Variants in SLC16A10 observed in about 807,000 individuals in gnomAD.
SLC16A10 encodes monocarboxylate transporter 10.
Under a neutral mutation model 40.0 loss-of-function variants are expected in SLC16A10, and 27 were observed. The ratio of observed to expected loss-of-function variants is 0.67; its 90% CI spans 0.50 to 0.93. The LOEUF (loss-of-function observed/expected upper bound fraction) is 0.93. Ranked by LOEUF, SLC16A10 falls within the 40% of genes least tolerant of loss-of-function variation. The pLI is 0.00. For synonymous variants in SLC16A10, 213 were observed against 249.8 expected (o/e 0.85, Z 1.39); for missense variants, 529 against 658.2 (o/e 0.80, Z 2.15).
At position 111,196,951 on chromosome 6, in the gene SLC16A10, T is replaced by A. The variant is rs1213499083; in HGVS notation, c.943-9641T>A. On this transcript the variant is annotated intron_variant, in intron 3 of 5. Coordinates refer to ENST00000368851, the MANE Select transcript of SLC16A10 (RefSeq NM_018593.5). ...CGGATACCAAGAGACTAATGTTAAT[T>A]TCATTTCCCCAACCTCCACACCAGA... Among the ~76,000 whole-genome samples the A allele has an allele frequency of 2.0e-5, 3 of 152,152 alleles. 1 individual carries two copies. Among genetic ancestry groups the A allele is most frequent in the Non-Finnish European group, 4.4e-5 (3 of 68,034 alleles).
intron 3 of SLC16A10, among the ~76,000 whole-genome samples, chr6:111,188,644 T>C (rs1462790982): frequency 6.6e-6 from 1 of 152,136 alleles, no homozygotes. Context: ...AATATGATAA[T>C]TTACCCACTG....
rs1048501721 is a variant in SLC16A10, at chr6:111,117,402, C to T, written c.343+29307C>T. Among the ~76,000 whole-genome samples the T allele has an allele frequency of 8.7e-4, 129 of 147,744 alleles. 1 individual carries two copies. Among genetic ancestry groups the T allele is most frequent in the Non-Finnish European group, 1.3e-3 (86 of 67,076 alleles). ...GTGGGAGGGTCAAAGCCAATGTGCACGTTTATTCTTTTGTACCACCAAATA... is the reference window on the plus strand; with the variant it reads ...GTGGGAGGGTCAAAGCCAATGTGCATGTTTATTCTTTTGTACCACCAAATA... On this transcript the variant is annotated intron_variant, in intron 1 of 5. Coordinates refer to ENST00000368851, the MANE Select transcript of SLC16A10 (RefSeq NM_018593.5).
intron 1 of SLC16A10, among the ~76,000 whole-genome samples, chr6:111,140,734 G>T (rs1304066852): frequency 6.6e-6 from 1 of 152,062 alleles, no homozygotes; most frequent in Non-Finnish European, 1.5e-5. Context: ...TAATGTTATG[G>T]CATTAAATAA....
chr6:111,111,567 T>C (rs1456877185), intron 1 of SLC16A10, among the ~76,000 whole-genome samples: 4 of 152,146 alleles, frequency 2.6e-5, no homozygotes. Context: ...CAAAAAATAA[T>C]AAAAAAGAAT....
rs1248398857 is a variant in SLC16A10 at position 111,191,007 on chromosome 6, T to C, written c.942+13342T>C. Reference sequence around the variant, plus strand: ...GAACTTCTCCCCAGAAAATGGGTTTTTCTTTTTCTTCTTCCTTTTTTATTA... The same window carrying C: ...GAACTTCTCCCCAGAAAATGGGTTTCTCTTTTTCTTCTTCCTTTTTTATTA... On this transcript the variant is annotated intron_variant, in intron 3 of 5. Coordinates refer to ENST00000368851, the MANE Select transcript of SLC16A10 (RefSeq NM_018593.5). Among the ~76,000 whole-genome samples the C allele has an allele frequency of 2.0e-5, 3 of 152,368 alleles. No individual in the cohort carries two copies. The East Asian group carries it at 5.8e-4, about 29-fold the overall frequency.
intron 1 of SLC16A10, among the ~76,000 whole-genome samples, chr6:111,121,926 C>T (rs1771591093): frequency 6.6e-6 from 1 of 152,186 alleles, no homozygotes; most frequent in African/African-American, 2.4e-5. Context: ...ATGAGAGGTA[C>T]ATCCTTCCCA....
intron 4 of SLC16A10, among the ~76,000 whole-genome samples, chr6:111,210,538 G>A (rs553090481): frequency 6.6e-6 from 1 of 152,298 alleles, no homozygotes; most frequent in African/African-American, 2.4e-5. Context: ...TGTGCCCCAA[G>A]CACCAGCTCA....
intron 1 of SLC16A10, among the ~76,000 whole-genome samples, chr6:111,100,992 C>CTCTA (rs1410556945): frequency 1.3e-3 from 85 of 66,416 alleles, no homozygotes; most frequent in African/African-American, 4.6e-3. Context: ...CTCTCTCTCT[C>CTCTA]TATATATATA....
intron 1 of SLC16A10, among the ~76,000 whole-genome samples, chr6:111,104,077 G>A (rs1361508164): frequency 2.0e-5 from 3 of 152,134 alleles, no homozygotes; most frequent in South Asian, 4.1e-4. Context: ...TTGATTTGTC[G>A]AGGGCCGAGG....
intron 1 of SLC16A10, among the ~76,000 whole-genome samples, chr6:111,094,958 C>CAACAATTAGTCATAACCCGTT (rs1771047841): frequency 6.6e-6 from 1 of 152,178 alleles, no homozygotes; most frequent in Non-Finnish European, 1.5e-5. Flanking sequence ...TTACTATTGG[C>CAACAATTAGTCATAACCCGTT]AACAATTAGT....
At chr6:111,119,233 A>G (rs1771541408) in intron 1 of SLC16A10, among the ~76,000 whole-genome samples, 1 of 152,242 alleles carries the variant, frequency 6.6e-6, no homozygotes, top group Non-Finnish European at 1.5e-5. Flanking sequence ...TGAGTCAGTC[A>G]GACCATATAG....
intron 3 of SLC16A10, among the ~76,000 whole-genome samples, chr6:111,187,147 G>A (rs1156822140): frequency 6.6e-6 from 1 of 152,068 alleles, no homozygotes; most frequent in Non-Finnish European, 1.5e-5. Context: ...TTTATTTCCC[G>A]CATTTCTTTT....
Position 111,222,924 on chromosome 6 carries a change from G to A in SLC16A10, c.*689G>A, listed in dbSNP as rs554958982. On this transcript the variant is annotated 3_prime_UTR_variant, in exon 6 of 6. Transcript: ENST00000368851. The stretch of plus-strand genomic sequence containing the variant: ...AAGTTTACAGCGTTGTTCCCTTTGC[G>A]TTTGCAGTGCGTTTTACTCAAGTAG... 2.0e-5 allele frequency: 3 copies of A among 152,272 alleles called. No individual in the cohort carries two copies. The highest frequency in any genetic ancestry group is 1.9e-4 in the East Asian group (1 of 5,184). The allele number at this position is 152,272 out of a possible 1,614,324, so 9.4% of individuals were successfully genotyped here. A position where few individuals can be genotyped will look rare whatever the true frequency, so the allele number is the denominator to read the frequency against.
intron 1 of SLC16A10, among the ~76,000 whole-genome samples, chr6:111,103,102 C>T (rs1189930851): frequency 1.3e-5 from 2 of 151,994 alleles, no homozygotes; most frequent in African/African-American, 2.4e-5. Flanking sequence ...GACGGGGTTT[C>T]GCCACATTGC....
At chr6:111,115,035 T>A (rs562969442) in intron 1 of SLC16A10, among the ~76,000 whole-genome samples, 8 of 152,294 alleles carry the variant, frequency 5.3e-5, no homozygotes, top group East Asian at 1.9e-4. Flanking sequence ...CTATTTTTTT[T>A]AAATAGTATT....
chr6:111,103,575 C>T lies in SLC16A10; in HGVS notation c.343+15480C>T, dbSNP rs1178709926. ...CTGAGAGCCACGCAAGAAACAAATTCGACTTATTCCATGCTCTTGAGAGGT... is the reference window on the plus strand; with the variant it reads ...CTGAGAGCCACGCAAGAAACAAATTTGACTTATTCCATGCTCTTGAGAGGT... On this transcript the variant is annotated intron_variant, in intron 1 of 5. Transcript: ENST00000368851. Among the ~76,000 whole-genome samples, 19 of 152,186 alleles carry T rather than the reference C, an allele frequency of 1.2e-4. No individual in the cohort carries two copies. The East Asian group carries it at 2.9e-3, about 23-fold the overall frequency.
chr6:111,169,719 T>C (rs1364315076), intron 1 of SLC16A10, among the ~76,000 whole-genome samples: 2 of 152,338 alleles, frequency 1.3e-5, no homozygotes, highest in East Asian at 3.9e-4. Context: ...GTTCATCTAG[T>C]GTCAAGGGAA....
chr6:111,111,515 G>A, intron 1 of SLC16A10, among the ~76,000 whole-genome samples: 1 of 152,122 alleles, frequency 6.6e-6, no homozygotes, highest in East Asian at 1.9e-4. Flanking sequence ...GAGACTAGAA[G>A]TTCTAGACCA....
rs1177781225 is a variant in SLC16A10 at position 111,231,059 on chromosome 6, A to G, written c.*8824A>G. 6.6e-6 allele frequency: 1 copy of G among 152,208 alleles called. No homozygotes were observed. The highest frequency in any genetic ancestry group is 1.5e-5 in the Non-Finnish European group (1 of 68,040). The allele number at this position is 152,208 out of a possible 1,614,324, so 9.4% of individuals were successfully genotyped here. A position where few individuals can be genotyped will look rare whatever the true frequency, so the allele number is the denominator to read the frequency against. On this transcript the variant is annotated 3_prime_UTR_variant, in exon 6 of 6. Transcript: ENST00000368851. ...GACTATAATTTACAATTTTTTTAAT[A>G]ATGTGCAATTTAATATAGATAACCA...
Sources: allele counts gnomAD v4.1 joint callset (sites outside exome capture counted in the v4.1 genomes callset), GRCh38; gene constraint gnomAD v4.1.1; transcripts MANE v1.5; gene names NCBI Gene and HGNC (gene_info 2026-07-23, HGNC 2026-07-21).